Variants in SHANK2 observed in about 807,000 individuals in gnomAD.
SHANK2 encodes the protein SH3 and multiple ankyrin repeat domains protein 2.
Under a neutral mutation model 133.7 loss-of-function variants are expected in SHANK2, and 43 were observed. That is an observed-to-expected ratio of 0.32 (90% confidence interval 0.25 to 0.41). The LOEUF (loss-of-function observed/expected upper bound fraction) is 0.41, where lower values mean the gene tolerates loss of function less well. SHANK2 is among the 10% of genes least tolerant of loss of function. SHANK2 has a pLI of 1.00. For missense variants in SHANK2, 1,994 were observed against 2,235.8 expected, an observed-to-expected ratio of 0.89 and a Z score of 2.18; for synonymous variants, 1,017 against 952.8, an observed-to-expected ratio of 1.07 and a Z score of -1.24.
At chr11:70,676,023 C>T (rs1944899417) in intron 15 of SHANK2, among the ~76,000 whole-genome samples, 3 of 152,238 alleles carry the variant, frequency 2.0e-5, no homozygotes, top group African/African-American at 7.2e-5. Context: ...TTTACTCCCA[C>T]CTACAACACT....
intron 3 of SHANK2, among the ~76,000 whole-genome samples, chr11:71,132,370 G>A (rs1467700383): frequency 1.3e-5 from 2 of 152,108 alleles, no homozygotes; most frequent in African/African-American, 4.8e-5. Flanking sequence ...CAGCAAAGAG[G>A]GGACGGCTGC....
At chr11:70,949,128 C>T (rs576669989) in intron 10 of SHANK2, among the ~76,000 whole-genome samples, 2 of 152,226 alleles carry the variant, frequency 1.3e-5, no homozygotes, top group South Asian at 4.1e-4. Context: ...GATAAACACA[C>T]CAAAAGAAGA....
chr11:71,115,839 A>G (rs1008723401), intron 4 of SHANK2, among the ~76,000 whole-genome samples: 1 of 152,176 alleles, frequency 6.6e-6, no homozygotes, highest in Non-Finnish European at 1.5e-5. Context: ...TTCCTGGTCC[A>G]TCACCTCCCA....
intron 10 of SHANK2, among the ~76,000 whole-genome samples, chr11:70,907,100 C>T (rs1373064002): frequency 6.6e-6 from 1 of 152,170 alleles, no homozygotes; most frequent in Non-Finnish European, 1.5e-5. Context: ...TCAGGGGAGT[C>T]GTGGGCCAGG....
In SHANK2 at chr11:70,663,123, G is replaced by A. The variant is rs147281044; in HGVS notation, c.1854-1445C>T. ...CCCAGCCGGAAAAAGCTGCAGATGGGTCATGAGGAACCCACCAGGCCCCCG... is the reference window on the plus strand; with the variant it reads ...CCCAGCCGGAAAAAGCTGCAGATGGATCATGAGGAACCCACCAGGCCCCCG... On this transcript the variant is annotated intron_variant, in intron 15 of 25. Transcript: ENST00000601538. 6.5e-4 allele frequency among the ~76,000 whole-genome samples: 99 copies of A among 152,306 alleles called. No individual in the cohort carries two copies. The East Asian group carries it at 0.018, about 28-fold the overall frequency.
chr11:70,592,422 G>T (rs181543152), intron 17 of SHANK2, among the ~76,000 whole-genome samples: 2 of 152,282 alleles, frequency 1.3e-5, no homozygotes, highest in African/African-American at 4.8e-5. Context: ...CAGGCTTTTG[G>T]GTGGGACGTG....
At chr11:70,953,369 C>T (rs936278717) in intron 10 of SHANK2, among the ~76,000 whole-genome samples, 21 of 151,988 alleles carry the variant, frequency 1.4e-4, no homozygotes, top group African/African-American at 5.1e-4. Flanking sequence ...AGTCTCACAA[C>T]AAGCCATCTA....
intron 5 of SHANK2, 25 bp downstream of exon 5, chr11:71,113,268 A>T: frequency 1.9e-6 from 3 of 1,549,052 alleles, no homozygotes; most frequent in Non-Finnish European, 2.6e-6. Flanking sequence ...CCTAACGTGT[A>T]AATAACAGCC....
intron 3 of SHANK2, among the ~76,000 whole-genome samples, chr11:71,119,585 A>AG (rs1290647658): frequency 6.6e-6 from 1 of 151,608 alleles, no homozygotes; most frequent in Admixed American, 6.6e-5. Flanking sequence ...TCTCAAAAAA[A>AG]AAAAAAAAAA....
intron 2 of SHANK2, among the ~76,000 whole-genome samples, chr11:71,170,715 C>T (rs1403973117): frequency 6.6e-6 from 1 of 152,200 alleles, no homozygotes; most frequent in Admixed American, 6.5e-5. Context: ...TCCAAGGTCA[C>T]GGCAGAGCCC....
At chr11:70,555,561 A>G (rs2059818227) in intron 17 of SHANK2, among the ~76,000 whole-genome samples, 1 of 152,190 alleles carries the variant, frequency 6.6e-6, no homozygotes, top group Non-Finnish European at 1.5e-5. Flanking sequence ...CATCTATATG[A>G]AAAATAACAA....
chr11:70,909,246 T>A (rs190061206), intron 10 of SHANK2, among the ~76,000 whole-genome samples: 2 of 152,324 alleles, frequency 1.3e-5, no homozygotes, highest in South Asian at 2.1e-4. Flanking sequence ...CAAGAGTGAC[T>A]CTGGTGGGAC....
At chr11:70,821,247 A>T (rs782665021) in intron 11 of SHANK2, among the ~76,000 whole-genome samples, 2 of 152,160 alleles carry the variant, frequency 1.3e-5, no homozygotes, top group African/African-American at 2.4e-5. Context: ...TGGGGTCCTT[A>T]TAAGAAGAGG....
rs561398227 is a variant in SHANK2 at position 70,579,599 on chromosome 11, G to A, written c.2062-76668C>T. On this transcript the variant is annotated intron_variant, in intron 17 of 25. Coordinates refer to ENST00000601538, the MANE Select transcript of SHANK2 (RefSeq NM_012309.5). Reference sequence around the variant, plus strand: ...TGGATGGAGCTGGGCCCCAGGTGGTGTCTCCCGGGCCTGGGCCGGATCCCA... The same window carrying A: ...TGGATGGAGCTGGGCCCCAGGTGGTATCTCCCGGGCCTGGGCCGGATCCCA... Among the ~76,000 whole-genome samples the A allele has an allele frequency of 4.6e-5, 7 of 152,348 alleles. No homozygotes were observed. The South Asian group carries it at 1.2e-3, about 27-fold the overall frequency.
intron 2 of SHANK2, among the ~76,000 whole-genome samples, chr11:71,197,257 G>T (rs782491412): frequency 6.6e-6 from 1 of 151,950 alleles, no homozygotes; most frequent in African/African-American, 2.4e-5. Context: ...CCCAGTGTCC[G>T]GCCTGAGCAC....
chr11:71,248,642 T>G (rs1954994000), intron 1 of SHANK2, among the ~76,000 whole-genome samples: 1 of 152,176 alleles, frequency 6.6e-6, no homozygotes, highest in Non-Finnish European at 1.5e-5. Flanking sequence ...GGTGAGAGTC[T>G]CACTACCTGC....
At chr11:71,057,442 T>C (rs1168317223) in intron 9 of SHANK2, among the ~76,000 whole-genome samples, 1 of 152,196 alleles carries the variant, frequency 6.6e-6, no homozygotes, top group Non-Finnish European at 1.5e-5. Flanking sequence ...TTAAAGTCTA[T>C]ATTATAGAAA....
chr11:71,085,645 T>TTA (rs1260969413), intron 8 of SHANK2, among the ~76,000 whole-genome samples: 3 of 42,124 alleles, frequency 7.1e-5, no homozygotes, highest in Admixed American at 4.9e-4. Context: ...ATATAATATA[T>TTA]TATGTTATAT....
intron 15 of SHANK2, among the ~76,000 whole-genome samples, chr11:70,679,372 A>G (rs1944977731): frequency 6.6e-6 from 1 of 152,212 alleles, no homozygotes; most frequent in South Asian, 2.1e-4. Flanking sequence ...CACCACCAGC[A>G]GCCAGCCAGC....
Sources: allele counts gnomAD v4.1 joint callset (sites outside exome capture counted in the v4.1 genomes callset), GRCh38; gene constraint gnomAD v4.1.1; transcripts MANE v1.5; gene names NCBI Gene and HGNC (gene_info 2026-07-23, HGNC 2026-07-21).